PRTG: variants seen among roughly 807,000 people sequenced by gnomAD.
PRTG encodes immunoglobulin superfamily, DCC subclass, member 5.
Under a neutral mutation model 122.5 loss-of-function variants are expected in PRTG, and 67 were observed. The observed-to-expected ratio is 0.55, with a 90% CI of 0.45 to 0.67. PRTG has a LOEUF of 0.67. Among genes scored for constraint, PRTG ranks in the 30% least tolerant of loss-of-function variants. The pLI, the probability that PRTG is intolerant of heterozygous loss-of-function variation, is 0.00. For synonymous variants in PRTG, 554 were observed against 501.1 expected, an observed-to-expected ratio of 1.11 and a Z score of -1.41; for missense variants, 1,435 against 1,415.4, an observed-to-expected ratio of 1.01 and a Z score of -0.22.
chr15:55,681,626 G>A (rs1056028459), intron 4 of PRTG, among the ~76,000 whole-genome samples: 1 of 151,932 alleles, frequency 6.6e-6, no homozygotes, highest in African/African-American at 2.4e-5. Flanking sequence ...TTTAAAAATT[G>A]TTTAATATAG....
At chr15:55,647,823 A>C (rs963973496) in intron 11 of PRTG, among the ~76,000 whole-genome samples, 2 of 152,356 alleles carry the variant, frequency 1.3e-5, no homozygotes, top group Admixed American at 6.5e-5. Flanking sequence ...TCCGCAAATT[A>C]GCAATTGGCA....
At chr15:55,669,704 C>A (rs2059457704) in intron 11 of PRTG, among the ~76,000 whole-genome samples, 1 of 152,182 alleles carries the variant, frequency 6.6e-6, no homozygotes, top group Non-Finnish European at 1.5e-5. Flanking sequence ...ATACTTGAAT[C>A]CACACAACTG....
intron 2 of PRTG, among the ~76,000 whole-genome samples, chr15:55,729,922 A>G (rs1312818978): frequency 3.3e-5 from 5 of 152,240 alleles, no homozygotes; most frequent in African/African-American, 9.6e-5. Flanking sequence ...GATATACACA[A>G]GAAAAGAAAT....
At chr15:55,706,383 G>C (rs1233820253) in intron 2 of PRTG, among the ~76,000 whole-genome samples, 1 of 151,834 alleles carries the variant, frequency 6.6e-6, no homozygotes, top group Non-Finnish European at 1.5e-5. Context: ...CATGGGTAAA[G>C]GCACAGAGCA....
intron 11 of PRTG, among the ~76,000 whole-genome samples, chr15:55,651,395 A>T (rs1391291044): frequency 6.6e-6 from 1 of 152,182 alleles, no homozygotes; most frequent in African/African-American, 2.4e-5. Flanking sequence ...AAGAATTCCA[A>T]TCCTGCTGCC....
intron 2 of PRTG, among the ~76,000 whole-genome samples, chr15:55,733,226 G>A (rs1407975550): frequency 6.6e-6 from 1 of 151,922 alleles, no homozygotes; most frequent in Non-Finnish European, 1.5e-5. Context: ...GTAAATGGAG[G>A]CCAGGCGTGG....
chr15:55,627,098 T>C lies in PRTG; in HGVS notation c.2837A>G (p.Lys946Arg). The change falls in exon 17 of 20, where the codon AAA becomes AGA. Residue 946 changes from lysine to arginine, a missense_variant. Lys to Arg is a conservative substitution (Grantham distance 26, BLOSUM62 2). Coordinates refer to ENST00000389286, the MANE Select transcript of PRTG (RefSeq NM_173814.6). ...ACCTACAGCAATGCCAGTCATTGATTTTTGGTCCAGATGGTAATATCCTGA... is the reference window on the plus strand; with the variant it reads ...ACCTACAGCAATGCCAGTCATTGATCTTTGGTCCAGATGGTAATATCCTGA... ...VYSGYYHLDQ[K>R]SMTGIAVGVG... The C allele has an allele frequency of 5.6e-6, 9 of 1,607,824 alleles. No homozygotes were observed. The highest frequency in any genetic ancestry group is 7.7e-6 in the Non-Finnish European group (9 of 1,174,886).
At chr15:55,668,882 C>T (rs1408017920) in intron 11 of PRTG, among the ~76,000 whole-genome samples, 1 of 152,070 alleles carries the variant, frequency 6.6e-6, no homozygotes, top group Non-Finnish European at 1.5e-5. Context: ...ACTTTCATTA[C>T]TAAGTATAAT....
At chr15:55,729,880 A>T (rs764516320) in intron 2 of PRTG, among the ~76,000 whole-genome samples, 3 of 152,178 alleles carry the variant, frequency 2.0e-5, no homozygotes, top group Non-Finnish European at 4.4e-5. Flanking sequence ...CAAACCCCTA[A>T]AAGGACTGGA....
intron 2 of PRTG, among the ~76,000 whole-genome samples, chr15:55,739,691 G>C (rs189640956): frequency 9.9e-4 from 151 of 152,230 alleles, no homozygotes; most frequent in Non-Finnish European, 1.8e-3. Flanking sequence ...CCAAGCAATG[G>C]ATCACTTGGA....
At chr15:55,727,828 A>G (rs1567117219) in intron 2 of PRTG, among the ~76,000 whole-genome samples, 1 of 152,134 alleles carries the variant, frequency 6.6e-6, no homozygotes, top group East Asian at 1.9e-4. Context: ...ACAGTGAAAA[A>G]TCCAGAACCA....
At chr15:55,705,048 A>G (rs2030046032) in intron 2 of PRTG, among the ~76,000 whole-genome samples, 1 of 152,236 alleles carries the variant, frequency 6.6e-6, no homozygotes, top group African/African-American at 2.4e-5. Flanking sequence ...ATACTCTGAA[A>G]AACCTTAGCA....
At chr15:55,676,436 A>T (rs1232457909) in intron 8 of PRTG, among the ~76,000 whole-genome samples, 1 of 152,196 alleles carries the variant, frequency 6.6e-6, no homozygotes, top group African/African-American at 2.4e-5. Flanking sequence ...AATTCACAGT[A>T]AACGCATGTC....
At chr15:55,668,272 G>C (rs2059449461) in intron 11 of PRTG, among the ~76,000 whole-genome samples, 1 of 152,136 alleles carries the variant, frequency 6.6e-6, no homozygotes, top group Non-Finnish European at 1.5e-5. Context: ...TTAAACAACA[G>C]TATTACATAA....
chr15:55,688,137 C>G (rs1239151196), intron 2 of PRTG, among the ~76,000 whole-genome samples: 2 of 152,262 alleles, frequency 1.3e-5, no homozygotes, highest in African/African-American at 4.8e-5. Context: ...GCTCTCCTCC[C>G]CATGGGATCG....
chr15:55,627,253 C>T, intron 16 of PRTG, 125 bp from the exon 17 acceptor site: 1 of 504,242 alleles, frequency 2.0e-6, no homozygotes, highest in Non-Finnish European at 3.4e-6. Context: ...ACATTGTCAA[C>T]ATCAAAGCAG....
intron 11 of PRTG, among the ~76,000 whole-genome samples, chr15:55,659,595 C>T (rs866390249): frequency 5.3e-5 from 8 of 152,018 alleles, no homozygotes; most frequent in African/African-American, 1.9e-4. Flanking sequence ...TGTCTATTTC[C>T]TTCTCTAGAC....
At chr15:55,722,124 T>C (rs2030848306) in intron 2 of PRTG, among the ~76,000 whole-genome samples, 1 of 152,198 alleles carries the variant, frequency 6.6e-6, no homozygotes, top group South Asian at 2.1e-4. Flanking sequence ...TGGCAAAAAG[T>C]TAGTTAACAG....
chr15:55,633,891 A>G (rs1281616005), intron 15 of PRTG, among the ~76,000 whole-genome samples: 1 of 152,118 alleles, frequency 6.6e-6, no homozygotes, highest in Non-Finnish European at 1.5e-5. Flanking sequence ...CTAAGAGAAT[A>G]TTTTTCCTGT....
Sources: gnomAD v4.1 joint callset for allele counts (sites outside exome capture counted in the v4.1 genomes callset) on GRCh38, gnomAD v4.1.1 for gene constraint, MANE v1.5 for transcripts, NCBI Gene and HGNC (gene_info 2026-07-23, HGNC 2026-07-21) for gene names.